Variants in SLC4A10 observed in about 807,000 individuals in gnomAD.
The protein encoded by SLC4A10 is sodium-driven chloride bicarbonate exchanger.
SLC4A10 carries 42 observed loss-of-function variants against 137.7 expected under a neutral mutation model. The observed-to-expected ratio is 0.30, with a 90% CI of 0.24 to 0.39. SLC4A10 has a LOEUF of 0.39. Among genes scored for constraint, SLC4A10 ranks in the 10% least tolerant of loss-of-function variants. The pLI is 1.00. For missense variants in SLC4A10, 925 were observed against 1,355.0 expected, an observed-to-expected ratio of 0.68 and a Z score of 4.98; for synonymous variants, 474 against 464.1, an observed-to-expected ratio of 1.02 and a Z score of -0.27.
rs1559394443 is a variant in SLC4A10, at chr2:161,854,956, ATTTG to A, written c.417-8_417-5del. 1.9e-6 allele frequency: 3 copies of A among 1,607,412 alleles called. No individual in the cohort carries two copies. The highest frequency in any genetic ancestry group is 3.4e-5 in the Admixed American group (2 of 58,874). ...ATATAATATAAACTGTGCTGATAAT[ATTTG>A]TTTGTATAGGTGGTTGAAGTTTGAA... On this transcript the variant is annotated splice_polypyrimidine_tract_variant and intron_variant, in intron 4 of 26. Transcript: ENST00000446997.
intron 15 of SLC4A10, among the ~76,000 whole-genome samples, chr2:161,916,343 AT>A (rs912756022): frequency 6.6e-6 from 1 of 152,112 alleles, no homozygotes; most frequent in Admixed American, 6.6e-5. Flanking sequence ...ACACATCCAG[AT>A]TTCCTAGCAA....
chr2:161,715,481 C>G (rs1417892854), intron 1 of SLC4A10, among the ~76,000 whole-genome samples: 7 of 152,012 alleles, frequency 4.6e-5, no homozygotes, highest in Non-Finnish European at 1.0e-4. Flanking sequence ...AGCTATTTTT[C>G]CTTATGCTCT....
At chr2:161,908,534 T>C (rs921530277) in intron 15 of SLC4A10, among the ~76,000 whole-genome samples, 18 of 150,844 alleles carry the variant, frequency 1.2e-4, no homozygotes, top group African/African-American at 4.2e-4. Context: ...CATGTATACA[T>C]ATGTAACAAA....
At chr2:161,736,031 CTTTA>C (rs150683956) in intron 1 of SLC4A10, among the ~76,000 whole-genome samples, 17,039 of 151,824 alleles carry the variant, frequency 0.11, 1,660 homozygotes, top group African/African-American at 0.27. Flanking sequence ...TTAAAACTAG[CTTTA>C]TTTATCAAGT....
At chr2:161,802,659 A>G (rs547066322) in intron 2 of SLC4A10, among the ~76,000 whole-genome samples, 43 of 152,222 alleles carry the variant, frequency 2.8e-4, no homozygotes, top group African/African-American at 1.0e-3. Context: ...AACTACAGAA[A>G]TGTATTTTCT....
At chr2:161,664,915 G>A (rs2038872955) in intron 1 of SLC4A10, among the ~76,000 whole-genome samples, 1 of 151,730 alleles carries the variant, frequency 6.6e-6, no homozygotes, top group Admixed American at 6.6e-5. Context: ...AGTCTAAGAA[G>A]CAGAGGCAAC....
intron 3 of SLC4A10, among the ~76,000 whole-genome samples, chr2:161,810,130 A>T (rs1374653925): frequency 6.6e-6 from 1 of 151,728 alleles, no homozygotes; most frequent in East Asian, 1.9e-4. Flanking sequence ...TTGTGTGCCT[A>T]TTGTAAATGG....
chr2:161,794,588 G>A (rs1236652296), intron 2 of SLC4A10, among the ~76,000 whole-genome samples: 2 of 152,026 alleles, frequency 1.3e-5, no homozygotes. Context: ...TAATATACTA[G>A]CCTTATTGAG....
At chr2:161,651,499 G>A (rs1414604548) in intron 1 of SLC4A10, among the ~76,000 whole-genome samples, 1 of 152,232 alleles carries the variant, frequency 6.6e-6, no homozygotes, top group African/African-American at 2.4e-5. Context: ...TGACAAGAAG[G>A]AGAGAAGAGC....
intron 15 of SLC4A10, among the ~76,000 whole-genome samples, chr2:161,921,329 G>C (rs569901148): frequency 1.3e-5 from 2 of 152,260 alleles, no homozygotes; most frequent in Admixed American, 1.3e-4. Flanking sequence ...AATTGGCAGA[G>C]AGCCTTAAAA....
At position 161,795,685 on chromosome 2, in the gene SLC4A10, T is replaced by C. The variant is rs539112625; in HGVS notation, c.131-8764T>C. Reference sequence around the variant, plus strand: ...GTAGTAGATCTCTAGAACCTATTTATCGGAAAGTTACTTTTTTGAACCTCA... The same window carrying C: ...GTAGTAGATCTCTAGAACCTATTTACCGGAAAGTTACTTTTTTGAACCTCA... On this transcript the variant is annotated intron_variant, in intron 2 of 26. Transcript: ENST00000446997. Among the ~76,000 whole-genome samples the C allele has an allele frequency of 2.0e-5, 3 of 152,260 alleles. No homozygotes were observed. In the East Asian group the frequency reaches 5.8e-4, roughly 29 times the overall value.
chr2:161,802,320 C>T (rs116399155), intron 2 of SLC4A10, among the ~76,000 whole-genome samples: 2,567 of 152,132 alleles, frequency 0.017, 75 homozygotes, highest in African/African-American at 0.058. Context: ...TCATGCCAAT[C>T]TCACCTCCAG....
chr2:161,769,195 A>G (rs1359462115), intron 1 of SLC4A10, among the ~76,000 whole-genome samples: 1 of 151,966 alleles, frequency 6.6e-6, no homozygotes, highest in African/African-American at 2.4e-5. Context: ...CATTACATCT[A>G]GAATCTCTGC....
chr2:161,702,537 A>G (rs892218350), intron 1 of SLC4A10, among the ~76,000 whole-genome samples: 2 of 151,784 alleles, frequency 1.3e-5, no homozygotes, highest in African/African-American at 4.8e-5. Context: ...TGGTCCTCCC[A>G]AGTTATTCCT....
chr2:161,626,364 T>A (rs1052844249), intron 1 of SLC4A10, among the ~76,000 whole-genome samples: 7 of 152,202 alleles, frequency 4.6e-5, no homozygotes, highest in African/African-American at 1.7e-4. Flanking sequence ...AATTTATAGC[T>A]TAAAAGAGCA....
chr2:161,863,791 A>G (rs547746897), intron 6 of SLC4A10, among the ~76,000 whole-genome samples: 8 of 152,298 alleles, frequency 5.3e-5, no homozygotes, highest in African/African-American at 1.7e-4. Flanking sequence ...CATTTGCAAT[A>G]AGGAAGTTGC....
chr2:161,671,303 G>A (rs2039692770), intron 1 of SLC4A10, among the ~76,000 whole-genome samples: 1 of 152,210 alleles, frequency 6.6e-6, no homozygotes, highest in East Asian at 1.9e-4. Flanking sequence ...AGGATGGGCT[G>A]TCAGCAGACA....
intron 1 of SLC4A10, among the ~76,000 whole-genome samples, chr2:161,655,376 G>T (rs2037369557): frequency 6.6e-6 from 1 of 151,904 alleles, no homozygotes; most frequent in Admixed American, 6.6e-5. Context: ...TATTTCTCTG[G>T]CTAGGACTTC....
intron 15 of SLC4A10, among the ~76,000 whole-genome samples, chr2:161,927,944 C>T (rs968534828): frequency 6.6e-6 from 1 of 151,246 alleles, no homozygotes; most frequent in Non-Finnish European, 1.5e-5. Context: ...CTAGTTCAAC[C>T]ATTGTGGAAG....
Sources: allele counts gnomAD v4.1 joint callset (sites outside exome capture counted in the v4.1 genomes callset), GRCh38; gene constraint gnomAD v4.1.1; transcripts MANE v1.5; gene names NCBI Gene and HGNC (gene_info 2026-07-23, HGNC 2026-07-21).